The following SLC22A25 variants were observed in gnomAD, a reference collection of about 807,000 sequenced individuals.
SLC22A25 encodes the protein solute carrier family 22 member 25, also known as MGI:2442751, MGI:2385316, MGI:3042283, MGI:3645714, MGI:3605624, MGI:2442750.
In SLC22A25, 44 loss-of-function variants were observed where a neutral mutation model predicts 45.9. That is an observed-to-expected ratio of 0.96 (90% confidence interval 0.75 to 1.23). The LOEUF (loss-of-function observed/expected upper bound fraction) is 1.23. Among genes scored for constraint, SLC22A25 ranks in the 50% most tolerant of loss-of-function variants. SLC22A25 has a pLI of 0.00. For missense variants in SLC22A25, 800 were observed against 666.4 expected (o/e 1.20, Z -2.21); for synonymous variants, 283 against 238.6 (o/e 1.19, Z -1.72).
At chr11:63,195,140 C>A (rs1278153278) in intron 7 of SLC22A25, among the ~76,000 whole-genome samples, 3 of 151,944 alleles carry the variant, frequency 2.0e-5, no homozygotes, top group African/African-American at 7.3e-5. Context: ...CTTAGACTCC[C>A]ACACAATAAT....
intron 3 of SLC22A25, among the ~76,000 whole-genome samples, chr11:63,230,820 G>A (rs2090053701): frequency 6.6e-6 from 1 of 151,944 alleles, no homozygotes; most frequent in Non-Finnish European, 1.5e-5. Flanking sequence ...CCCAAGACAG[G>A]CCCCGGTGCA....
At chr11:63,214,443 G>C (rs1439964234) in intron 7 of SLC22A25, among the ~76,000 whole-genome samples, 2 of 152,150 alleles carry the variant, frequency 1.3e-5, no homozygotes, top group Non-Finnish European at 2.9e-5. Flanking sequence ...CAGAAACTCA[G>C]TTGCATGTAA....
chr11:63,202,455 A>G (rs1172968629), intron 7 of SLC22A25, among the ~76,000 whole-genome samples: 1 of 152,102 alleles, frequency 6.6e-6, no homozygotes, highest in Non-Finnish European at 1.5e-5. Context: ...GGGACACTAG[A>G]GCTTGGTGAG....
chr11:63,231,078 C>A (rs926132796), intron 3 of SLC22A25, among the ~76,000 whole-genome samples: 1 of 152,132 alleles, frequency 6.6e-6, no homozygotes, highest in African/African-American at 2.4e-5. Flanking sequence ...GGTTCCAAGT[C>A]TTTGCTATCG....
At chr11:63,171,649 A>G (rs193118994) in intron 9 of SLC22A25, among the ~76,000 whole-genome samples, 1 of 152,372 alleles carries the variant, frequency 6.6e-6, no homozygotes, top group Non-Finnish European at 1.5e-5. Context: ...CTGCACAAGG[A>G]AATAAGAGAG....
Position 63,166,003 on chromosome 11 carries a change from GGAAAGACATTTTCTTTCTTCCACCTGT to G in SLC22A25, c.1285+14_1285+40del. 6.2e-7 allele frequency: 1 copy of G among 1,603,064 alleles called. No homozygotes were observed. The highest frequency in any genetic ancestry group is 1.1e-5 in the South Asian group (1 of 90,706). On this transcript the variant is annotated intron_variant, in intron 10 of 11. Transcript: ENST00000306494. ...ACCAGGGCAATCCCTGAGAAAAGAG[GGAAAGACATTTTCTTTCTTCCACCTGT>G]GAACTTTTCTCACCTTGAGGCACAA...
chr11:63,177,895 A>ATATAATGTATATATATAATATATATC (rs2088170581), intron 9 of SLC22A25, among the ~76,000 whole-genome samples: 1 of 116,422 alleles, frequency 8.6e-6, no homozygotes, highest in East Asian at 2.3e-4. Flanking sequence ...TAATATATAT[A>ATATAATGTATATATATAATATATATC]TATAATGTAT....
chr11:63,187,367 A>C (rs1385479274), intron 7 of SLC22A25, among the ~76,000 whole-genome samples: 1 of 152,096 alleles, frequency 6.6e-6, no homozygotes, highest in African/African-American at 2.4e-5. Context: ...GGTGTATAAG[A>C]ATGCTTGTGA....
intron 7 of SLC22A25, among the ~76,000 whole-genome samples, chr11:63,185,581 T>C (rs1448055097): frequency 6.6e-6 from 1 of 150,696 alleles, no homozygotes; most frequent in Non-Finnish European, 1.5e-5. Flanking sequence ...TTAGGGTACA[T>C]GTGCACATTG....
At chr11:63,195,488 C>T (rs1319092754) in intron 7 of SLC22A25, among the ~76,000 whole-genome samples, 1 of 152,132 alleles carries the variant, frequency 6.6e-6, no homozygotes, top group Non-Finnish European at 1.5e-5. Flanking sequence ...ACTGAACGAC[C>T]TGCTCCTGAA....
chr11:63,226,321 G>T (rs2089961391), intron 5 of SLC22A25, among the ~76,000 whole-genome samples: 1 of 152,212 alleles, frequency 6.6e-6, no homozygotes, highest in South Asian at 2.1e-4. Flanking sequence ...GGGCTTGAGT[G>T]TTGTGATCTA....
At chr11:63,235,426 G>T (rs1014475394) in intron 3 of SLC22A25, among the ~76,000 whole-genome samples, 3 of 152,080 alleles carry the variant, frequency 2.0e-5, no homozygotes, top group African/African-American at 7.2e-5. Flanking sequence ...CTTTCTTCCA[G>T]TTGATCGCAT....
At chr11:63,183,585 C>T in intron 8 of SLC22A25, 109 bp downstream of exon 8, 1 of 1,406,584 alleles carries the variant, frequency 7.1e-7, no homozygotes, top group Non-Finnish European at 9.8e-7. Context: ...TGAGATGACC[C>T]ATAACTCTAC....
At chr11:63,236,373 C>T (rs772702083) in intron 3 of SLC22A25, among the ~76,000 whole-genome samples, 1 of 152,206 alleles carries the variant, frequency 6.6e-6, no homozygotes, top group Admixed American at 6.5e-5. Context: ...TTGCTGCCAC[C>T]TTGCAGTTTG....
chr11:63,213,026 G>A (rs2089618585), intron 7 of SLC22A25, among the ~76,000 whole-genome samples: 1 of 152,184 alleles, frequency 6.6e-6, no homozygotes, highest in Admixed American at 6.5e-5. Context: ...CTGTTTTTGA[G>A]AGGTTGGATA....
At chr11:63,164,126 T>C (rs913003353) in intron 11 of SLC22A25, 53 bp from the exon 12 acceptor site, 2 of 1,522,782 alleles carry the variant, frequency 1.3e-6, no homozygotes, top group African/African-American at 1.4e-5. Flanking sequence ...ATACATATAA[T>C]TTGTGATTTA....
chr11:63,241,984 T>C (rs147687917), intron 1 of SLC22A25, among the ~76,000 whole-genome samples: 2 of 152,348 alleles, frequency 1.3e-5, no homozygotes, highest in African/African-American at 4.8e-5. Flanking sequence ...AGAATCTTAA[T>C]GTCATTACCT....
At chr11:63,198,681 A>G (rs1051851926) in intron 7 of SLC22A25, among the ~76,000 whole-genome samples, 8 of 152,238 alleles carry the variant, frequency 5.3e-5, no homozygotes, top group Non-Finnish European at 1.0e-4. Flanking sequence ...ACAAATCTGC[A>G]CATTGTGCAC....
intron 7 of SLC22A25, among the ~76,000 whole-genome samples, chr11:63,192,189 T>C (rs2088841099): frequency 6.6e-6 from 1 of 152,098 alleles, no homozygotes; most frequent in Admixed American, 6.6e-5. Flanking sequence ...ATATTCAACA[T>C]TCTTAAGAGA....
Sources: gnomAD v4.1 joint callset for allele counts (sites outside exome capture counted in the v4.1 genomes callset) on GRCh38, gnomAD v4.1.1 for gene constraint, MANE v1.5 for transcripts, NCBI Gene and HGNC (gene_info 2026-07-23, HGNC 2026-07-21) for gene names.